The following CNTLN variants were observed in gnomAD, a reference collection of about 807,000 sequenced individuals.
CNTLN encodes centlein.
In CNTLN, 212 loss-of-function variants were observed where a neutral mutation model predicts 180.0. That is an observed-to-expected ratio of 1.18 (90% CI 1.05 to 1.32). CNTLN has a LOEUF of 1.32. CNTLN is among the 40% of genes most tolerant of loss of function. The pLI, the probability that CNTLN is intolerant of heterozygous loss-of-function variation, is 0.00. For missense variants in CNTLN, 2,095 were observed against 1,610.9 expected, an observed-to-expected ratio of 1.30 and a Z score of -5.14; for synonymous variants, 722 against 563.1, an observed-to-expected ratio of 1.28 and a Z score of -3.99.
At chr9:17,424,183 T>C (rs902721180) in intron 18 of CNTLN, among the ~76,000 whole-genome samples, 1 of 152,188 alleles carries the variant, frequency 6.6e-6, no homozygotes, top group Non-Finnish European at 1.5e-5. Context: ...TTGTTTCTGA[T>C]TAAAACAATG....
intron 2 of CNTLN, 86 bp downstream of exon 2, chr9:17,143,462 C>A (rs1424266683): frequency 3.2e-6 from 3 of 927,728 alleles, no homozygotes; most frequent in Non-Finnish European, 3.4e-6. Flanking sequence ...TATCATTAAT[C>A]TCCTAAAGAG....
intron 8 of CNTLN, among the ~76,000 whole-genome samples, chr9:17,313,639 C>T (rs1376578600): frequency 6.6e-6 from 1 of 152,024 alleles, no homozygotes; most frequent in Non-Finnish European, 1.5e-5. Context: ...GTTTGCTGAG[C>T]TTCTTGATTT....
chr9:17,441,468 T>C (rs1311086804), intron 18 of CNTLN, among the ~76,000 whole-genome samples: 1 of 152,120 alleles, frequency 6.6e-6, no homozygotes, highest in African/African-American at 2.4e-5. Context: ...ATTGAAGTTA[T>C]GTTGTTATGA....
At chr9:17,477,254 T>C (rs1328480396) in intron 23 of CNTLN, among the ~76,000 whole-genome samples, 1 of 152,210 alleles carries the variant, frequency 6.6e-6, no homozygotes, top group East Asian at 1.9e-4. Context: ...AGAGCTTTGA[T>C]GGAGATGTAC....
chr9:17,356,981 AGT>A (rs949659272), intron 12 of CNTLN, among the ~76,000 whole-genome samples: 35 of 151,772 alleles, frequency 2.3e-4, no homozygotes, highest in African/African-American at 8.2e-4. Flanking sequence ...ATGTATTATG[AGT>A]GTGTGTGTGT....
At chr9:17,525,052 T>C in the CNTLN span, among the ~76,000 whole-genome samples, 41 of 152,260 alleles carry the variant, frequency 2.7e-4, no homozygotes, top group Admixed American at 2.6e-3. Context: ...CACAATAACA[T>C]AGACATTGTT....
chr9:17,458,448 T>C (rs957047190), intron 19 of CNTLN, among the ~76,000 whole-genome samples: 8 of 151,936 alleles, frequency 5.3e-5, no homozygotes, highest in Non-Finnish European at 1.0e-4. Context: ...GCAGTATATA[T>C]GGGACCATTG....
rs555519884 is a variant in CNTLN at position 17,412,273 on chromosome 9, G to T, written c.2796+2800G>T. ...TGTCAGATGAGTCCCATTCAAATGA[G>T]ATTCAAGTAAGATACAGAACCTTGA... On this transcript the variant is annotated intron_variant, in intron 16 of 25. Coordinates refer to ENST00000380647, the MANE Select transcript of CNTLN (RefSeq NM_017738.4). Among the ~76,000 whole-genome samples, 17 of 152,236 alleles carry T rather than the reference G, an allele frequency of 1.1e-4. No individual in the cohort carries two copies. In the South Asian group the frequency reaches 3.5e-3, roughly 32 times the overall value.
chr9:17,329,321 A>G (rs1048802049), intron 8 of CNTLN, among the ~76,000 whole-genome samples: 10 of 152,232 alleles, frequency 6.6e-5, no homozygotes, highest in Admixed American at 3.9e-4. Context: ...AAGTTTGACT[A>G]TAAAACAGGA....
At chr9:17,438,700 A>C (rs913738626) in intron 18 of CNTLN, among the ~76,000 whole-genome samples, 6 of 152,228 alleles carry the variant, frequency 3.9e-5, no homozygotes, top group African/African-American at 1.4e-4. Flanking sequence ...AAGTAGTAGG[A>C]TATATGAGTT....
chr9:17,138,714 A>G (rs1817884064), intron 1 of CNTLN, among the ~76,000 whole-genome samples: 1 of 152,186 alleles, frequency 6.6e-6, no homozygotes, highest in Non-Finnish European at 1.5e-5. Context: ...TCTGATGACC[A>G]AATATTTGTT....
In CNTLN at chr9:17,298,343, A is replaced by C; in HGVS notation, c.1137A>C (p.Ser379=). 5.6e-6 allele frequency: 9 copies of C among 1,610,254 alleles called. No homozygotes were observed. Among genetic ancestry groups the C allele is most frequent in the Non-Finnish European group, 7.6e-6 (9 of 1,178,682 alleles). Residue 379 remains serine (S), a synonymous_variant, in exon 7 of 26, where the codon TCA becomes TCC. Coordinates refer to ENST00000380647, the MANE Select transcript of CNTLN (RefSeq NM_017738.4). ...ATGTTCACACAGCTGAAAGTATATC[A>C]TATCAAAAAGTATGCTTTTATTCTG... is the stretch of plus-strand genomic sequence containing the variant. The part of the protein sequence containing the change: ...QEDVHTAESI[S]YQKLYNELHI...
chr9:17,177,101 ATC>A (rs1476130716), intron 2 of CNTLN, among the ~76,000 whole-genome samples: 3 of 151,312 alleles, frequency 2.0e-5, no homozygotes, highest in African/African-American at 7.3e-5. Context: ...TTTTGTTGTT[ATC>A]TCTGTCAATA....
chr9:17,239,759 A>G (rs915854379), intron 5 of CNTLN, among the ~76,000 whole-genome samples: 1 of 152,136 alleles, frequency 6.6e-6, no homozygotes, highest in Non-Finnish European at 1.5e-5. Context: ...TGATACCATT[A>G]TTGAATATCA....
chr9:17,285,019 T>A (rs1030227553), intron 6 of CNTLN, among the ~76,000 whole-genome samples: 1 of 151,512 alleles, frequency 6.6e-6, no homozygotes, highest in Non-Finnish European at 1.5e-5. Context: ...TTTTTTTAAT[T>A]ATACTTTAAG....
At chr9:17,435,390 A>G in intron 18 of CNTLN, among the ~76,000 whole-genome samples, 1 of 152,164 alleles carries the variant, frequency 6.6e-6, no homozygotes, top group East Asian at 1.9e-4. Flanking sequence ...TTACAGTGGT[A>G]TAACTACCCC....
At chr9:17,306,213 G>T (rs1003455279) in intron 7 of CNTLN, among the ~76,000 whole-genome samples, 4 of 146,254 alleles carry the variant, frequency 2.7e-5, no homozygotes, top group Admixed American at 2.1e-4. Context: ...GCAATGGCAC[G>T]ATCTCATCTC....
At position 17,331,525 on chromosome 9, in the gene CNTLN, C is replaced by T. The variant is rs115427799; in HGVS notation, c.1518+717C>T. Among the ~76,000 whole-genome samples, 400 of 151,984 alleles carry T rather than the reference C, an allele frequency of 2.6e-3. 5 individuals are homozygous for T. The highest frequency in any genetic ancestry group is 9.2e-3 in the African/African-American group (382 of 41,534). The stretch of plus-strand genomic sequence containing the variant: ...TAAGAGTTTTAGCATATTTTTCACA[C>T]GCTTGTTACTTCAGCAATAAAGGAA... On this transcript the variant is annotated intron_variant, in intron 9 of 25. Transcript: ENST00000380647.
intron 8 of CNTLN, among the ~76,000 whole-genome samples, chr9:17,310,724 C>T (rs553535712): frequency 6.6e-6 from 1 of 152,296 alleles, no homozygotes; most frequent in Non-Finnish European, 1.5e-5. Flanking sequence ...CTGTCCTACT[C>T]AACACTTGGT....
Sources: gnomAD v4.1 joint callset for allele counts (sites outside exome capture counted in the v4.1 genomes callset) on GRCh38, gnomAD v4.1.1 for gene constraint, MANE v1.5 for transcripts, NCBI Gene and HGNC (gene_info 2026-07-23, HGNC 2026-07-21) for gene names.